Variants in RFX8 observed in about 807,000 individuals in gnomAD.
The protein encoded by RFX8 is DNA-binding protein RFX8.
Under a neutral mutation model 54.6 loss-of-function variants are expected in RFX8, and 46 were observed. That is an observed-to-expected ratio of 0.84 (90% CI 0.67 to 1.08). The LOEUF (loss-of-function observed/expected upper bound fraction) is 1.08, where lower values mean the gene tolerates loss of function less well. RFX8 is among the 50% of genes least tolerant of loss of function. RFX8 has a pLI of 0.00. For synonymous variants in RFX8, 192 were observed against 209.5 expected, an observed-to-expected ratio of 0.92 and a Z score of 0.72; for missense variants, 536 against 562.3, an observed-to-expected ratio of 0.95 and a Z score of 0.47.
At chr2:101,460,747 T>C (rs751643749) in intron 2 of RFX8, among the ~76,000 whole-genome samples, 24 of 151,616 alleles carry the variant, frequency 1.6e-4, no homozygotes, top group South Asian at 4.2e-4. Flanking sequence ...TTCTTTCTTT[T>C]TTTTTTTTTA....
chr2:101,417,606 T>G lies in RFX8; in HGVS notation c.430A>C (p.Lys144Gln). The G allele has an allele frequency of 6.4e-7, 1 of 1,551,730 alleles. No homozygotes were observed. The highest frequency in any genetic ancestry group is 8.7e-7 in the Non-Finnish European group (1 of 1,146,882). Residue 144 changes from lysine to glutamine, a missense_variant, in exon 6 of 12, where the codon AAG (lysine) becomes CAG (glutamine). By Grantham distance (53) the Lys-to-Gln change is moderately conservative. Transcript: ENST00000428343. ...TTAAGGAGCCACAGCTTAAATTTCT[T>G]ACTAAATAACTGCACAGATTTCAGG... ...QYLKSVQLFSKKFKLWLLNAL... is the reference protein window; with the variant it reads ...QYLKSVQLFSQKFKLWLLNAL...
rs148465006 is a variant in RFX8, at chr2:101,421,597, C to T, written c.237+127G>A. 1,362 of 1,443,162 alleles carry T rather than the reference C, an allele frequency of 9.4e-4. 2 individuals carry two copies. Among genetic ancestry groups the T allele is most frequent in the Admixed American group, 2.1e-3 (71 of 34,134 alleles). The allele number at this position is 1,443,162 out of a possible 1,614,324, so 89.4% of individuals were successfully genotyped here. On this transcript the variant is annotated intron_variant, in intron 4 of 11. Coordinates refer to ENST00000428343, the MANE Select transcript of RFX8 (RefSeq NM_001145664.2). ...ATAGGTACATAGCATGTAAGCACTT[C>T]AGTGCAGTGGGTTACCATTGGACAT...
Position 101,415,040 on chromosome 2 carries a change from C to T in RFX8, c.503-128G>A, listed in dbSNP as rs935700486. ...GCTAAACTGCAACTTCCCCCACCCCCGTGTCTGCTGGCCCTCTCTGAGTGG... is the reference window on the plus strand; with the variant it reads ...GCTAAACTGCAACTTCCCCCACCCCTGTGTCTGCTGGCCCTCTCTGAGTGG... On this transcript the variant is annotated intron_variant, in intron 6 of 11. Coordinates refer to ENST00000428343, the MANE Select transcript of RFX8 (RefSeq NM_001145664.2). The T allele has an allele frequency of 4.7e-5, 31 of 664,810 alleles. 1 individual carries two copies. Among genetic ancestry groups the T allele is most frequent in the South Asian group, 1.3e-4 (7 of 55,408 alleles). 41.2% of individuals were successfully genotyped at this position (664,810 alleles called of 1,614,324 possible).
intron 2 of RFX8, among the ~76,000 whole-genome samples, chr2:101,466,560 C>T (rs1689584390): frequency 6.6e-6 from 1 of 152,128 alleles, no homozygotes; most frequent in African/African-American, 2.4e-5. Context: ...CATTCCTCAT[C>T]CTTCCTGGCC....
intron 1 of RFX8, among the ~76,000 whole-genome samples, chr2:101,468,364 A>G (rs60960220): frequency 0.11 from 16,918 of 151,458 alleles, 1,194 homozygotes; most frequent in East Asian, 0.2. Flanking sequence ...GGTGTTCCTC[A>G]GTGTTCCTCG....
intron 2 of RFX8, among the ~76,000 whole-genome samples, chr2:101,423,816 C>T (rs749500240): frequency 1.4e-4 from 22 of 152,118 alleles, no homozygotes; most frequent in African/African-American, 3.4e-4. Flanking sequence ...CTGCACACAC[C>T]GGAAACAGGC....
intron 1 of RFX8, among the ~76,000 whole-genome samples, chr2:101,473,796 T>C (rs1332512190): frequency 6.6e-6 from 1 of 152,192 alleles, no homozygotes; most frequent in Non-Finnish European, 1.5e-5. Context: ...AGCTAAAAAC[T>C]CCTAAGCTTT....
At chr2:101,415,600 A>G (rs1686446277) in intron 6 of RFX8, among the ~76,000 whole-genome samples, 1 of 136,904 alleles carries the variant, frequency 7.3e-6, no homozygotes. Flanking sequence ...ACGCATAGAA[A>G]CAGGTGTTCT....
chr2:101,429,800 C>T (rs1210463860), intron 2 of RFX8, among the ~76,000 whole-genome samples: 2 of 152,168 alleles, frequency 1.3e-5, no homozygotes, highest in Non-Finnish European at 2.9e-5. Flanking sequence ...AAGCCAGCAG[C>T]CTCTTGCTGT....
intron 8 of RFX8, 44 bp from the exon 9 acceptor site, chr2:101,410,757 G>A (rs749599269): frequency 2.0e-6 from 2 of 1,017,508 alleles, no homozygotes; most frequent in Non-Finnish European, 3.0e-6. Context: ...GCATGCAGCA[G>A]AGCAGAATTT....
At chr2:101,454,682 G>A (rs1292561169) in intron 2 of RFX8, among the ~76,000 whole-genome samples, 1 of 152,194 alleles carries the variant, frequency 6.6e-6, no homozygotes, top group Non-Finnish European at 1.5e-5. Context: ...TCTGTTGGCT[G>A]CATAAATGTC....
Position 101,397,543 on chromosome 2 carries a change from T to A in RFX8, c.*5A>T. On this transcript the variant is annotated 3_prime_UTR_variant, in exon 12 of 12. Transcript: ENST00000428343. ...TTTTCTTATTCTCTATTCAAATAAA[T>A]AATCTCACACATTAGCATTGTTTTC... 6.6e-7 allele frequency: 1 copy of A among 1,513,214 alleles called. No individual in the cohort carries two copies. Among genetic ancestry groups the A allele is most frequent in the East Asian group, 2.5e-5 (1 of 40,460 alleles). The allele number at this position is 1,513,214 out of a possible 1,614,324, so 93.7% of individuals were successfully genotyped here. A position where few individuals can be genotyped will look rare whatever the true frequency, so the allele number is the denominator to read the frequency against.
At chr2:101,452,504 AT>A in intron 2 of RFX8, 1 of 759,368 alleles carries the variant, frequency 1.3e-6, no homozygotes, top group South Asian at 4.2e-5. Context: ...CAAACTTCCA[AT>A]TTTTTATCTT....
At chr2:101,464,740 T>A (rs1283169720) in intron 2 of RFX8, among the ~76,000 whole-genome samples, 3 of 152,228 alleles carry the variant, frequency 2.0e-5, no homozygotes, top group Non-Finnish European at 4.4e-5. Flanking sequence ...CCTAGCTGCA[T>A]GTAGTCACAC....
chr2:101,440,840 C>T (rs1165049648), intron 2 of RFX8, among the ~76,000 whole-genome samples: 1 of 152,102 alleles, frequency 6.6e-6, no homozygotes, highest in East Asian at 1.9e-4. Flanking sequence ...AAAGAAAGGG[C>T]AGTTTGATTG....
chr2:101,409,785 C>T (rs1685986413), intron 9 of RFX8, among the ~76,000 whole-genome samples: 1 of 152,164 alleles, frequency 6.6e-6, no homozygotes, highest in Non-Finnish European at 1.5e-5. Flanking sequence ...TAGGCATGAG[C>T]CACCGTGCCT....
chr2:101,468,991 A>G lies in RFX8; in HGVS notation c.-52-2091T>C, dbSNP rs866504750. Reference sequence around the variant, plus strand: ...ATATATATGTAAGTATATATATATAAGTATATATATACGTATATATATATA... The same window carrying G: ...ATATATATGTAAGTATATATATATAGGTATATATATACGTATATATATATA... On this transcript the variant is annotated intron_variant, in intron 1 of 11. Coordinates refer to ENST00000428343, the MANE Select transcript of RFX8 (RefSeq NM_001145664.2). 1.5e-4 allele frequency among the ~76,000 whole-genome samples: 19 copies of G among 125,080 alleles called. No individual in the cohort carries two copies. The East Asian group carries it at 2.1e-3, about 14-fold the overall frequency. The allele number at this position is 125,080 out of a possible 152,430, so 82.1% of individuals were successfully genotyped here.
intron 2 of RFX8, among the ~76,000 whole-genome samples, chr2:101,425,581 T>C (rs1687123770): frequency 6.6e-6 from 1 of 152,156 alleles, no homozygotes; most frequent in South Asian, 2.1e-4. Flanking sequence ...AAGGAGAATA[T>C]AAAAGTGTTT....
intron 2 of RFX8, among the ~76,000 whole-genome samples, chr2:101,429,641 T>C (rs1452135470): frequency 6.6e-6 from 1 of 152,086 alleles, no homozygotes; most frequent in Non-Finnish European, 1.5e-5. Flanking sequence ...GAGGTGGTGG[T>C]GTCTCCTCCC....
Sources: allele counts gnomAD v4.1 joint callset (sites outside exome capture counted in the v4.1 genomes callset), GRCh38; gene constraint gnomAD v4.1.1; transcripts MANE v1.5; gene names NCBI Gene and HGNC (gene_info 2026-07-23, HGNC 2026-07-21).